Variants in SGMS1 observed in about 807,000 individuals in gnomAD.
SGMS1 encodes phosphatidylcholine:ceramide cholinephosphotransferase 1.
Under a neutral mutation model 46.2 loss-of-function variants are expected in SGMS1, and 13 were observed. The ratio of observed to expected loss-of-function variants is 0.28; its 90% confidence interval spans 0.18 to 0.45. The LOEUF is 0.45. SGMS1 is among the 20% of genes least tolerant of loss of function. The probability of loss-of-function intolerance (pLI) is 1.00; values close to 1 mark genes in which losing one functional copy is unlikely to be tolerated. For missense variants in SGMS1, 324 were observed against 519.9 expected (o/e 0.62, Z 3.66); for synonymous variants, 203 against 187.8 (o/e 1.08, Z -0.66).
At chr10:50,424,028 G>A (rs1441778048) in intron 6 of SGMS1, among the ~76,000 whole-genome samples, 2 of 152,202 alleles carry the variant, frequency 1.3e-5, no homozygotes, top group Admixed American at 1.3e-4. Context: ...AAGAAACAGG[G>A]AGTCAAGAAT....
intron 8 of SGMS1, among the ~76,000 whole-genome samples, chr10:50,322,834 G>A (rs1589384710): frequency 2.1e-5 from 2 of 97,344 alleles, no homozygotes; most frequent in African/African-American, 4.8e-5. Flanking sequence ...GCGAGACTCC[G>A]TCTCAAAAAA....
At chr10:50,509,680 G>C (rs570974536) in intron 3 of SGMS1, among the ~76,000 whole-genome samples, 1 of 152,286 alleles carries the variant, frequency 6.6e-6, no homozygotes, top group South Asian at 2.1e-4. Flanking sequence ...AAGATCATTA[G>C]AGCATCCACC....
intron 6 of SGMS1, among the ~76,000 whole-genome samples, chr10:50,355,543 G>A (rs756597430): frequency 6.6e-6 from 1 of 152,206 alleles, no homozygotes; most frequent in Non-Finnish European, 1.5e-5. Flanking sequence ...CCAAGGTGCC[G>A]GGATTGCAGA....
intron 6 of SGMS1, among the ~76,000 whole-genome samples, chr10:50,360,988 T>G (rs962663158): frequency 6.6e-6 from 1 of 152,192 alleles, no homozygotes; most frequent in African/African-American, 2.4e-5. Flanking sequence ...TGCCATATTC[T>G]AAAGCATACC....
chr10:50,523,282 G>T (rs974827308), intron 2 of SGMS1, among the ~76,000 whole-genome samples: 1 of 152,142 alleles, frequency 6.6e-6, no homozygotes, highest in African/African-American at 2.4e-5. Flanking sequence ...TACTGGGAAG[G>T]GTTAAGACTC....
intron 2 of SGMS1, among the ~76,000 whole-genome samples, chr10:50,534,160 A>G (rs1328176388): frequency 6.6e-6 from 1 of 152,240 alleles, no homozygotes; most frequent in Non-Finnish European, 1.5e-5. Context: ...AAAGGTCTAC[A>G]AAGATACATT....
intron 2 of SGMS1, among the ~76,000 whole-genome samples, chr10:50,533,035 G>A (rs1432676502): frequency 2.6e-5 from 4 of 152,086 alleles, no homozygotes; most frequent in Admixed American, 1.3e-4. Context: ...GACAGGTACC[G>A]CATAAATCCA....
chr10:50,529,585 C>T (rs1219293386), intron 2 of SGMS1, among the ~76,000 whole-genome samples: 1 of 152,180 alleles, frequency 6.6e-6, no homozygotes, highest in Non-Finnish European at 1.5e-5. Context: ...TGAATGAGTA[C>T]ATCTTACACT....
intron 5 of SGMS1, among the ~76,000 whole-genome samples, chr10:50,453,799 AGGAAG>A: frequency 3.5e-5 from 1 of 28,292 alleles, no homozygotes; most frequent in Non-Finnish European, 6.6e-5. Flanking sequence ...GGGAGGGGAG[AGGAAG>A]GAGGGAGGGA....
rs978569888 is a variant in SGMS1 at position 50,389,418 on chromosome 10, G to T, written c.-232+44058C>A. On this transcript the variant is annotated intron_variant, in intron 6 of 10. Coordinates refer to ENST00000361781, the MANE Select transcript of SGMS1 (RefSeq NM_147156.4). The stretch of plus-strand genomic sequence containing the variant: ...TTCTTGGCTTACCACCTTGTATCTG[G>T]GGGGAGGTCAAGTACCCAATGTGAA... Among the ~76,000 whole-genome samples, 43 of 152,082 alleles carry T rather than the reference G, an allele frequency of 2.8e-4. 1 individual carries two copies. The highest frequency in any genetic ancestry group is 1.5e-5 in the Non-Finnish European group (1 of 68,018).
At chr10:50,384,075 T>C (rs570398205) in intron 6 of SGMS1, among the ~76,000 whole-genome samples, 1 of 152,284 alleles carries the variant, frequency 6.6e-6, no homozygotes, top group East Asian at 1.9e-4. Context: ...GGGAATCAGC[T>C]AGCACCTGGA....
At chr10:50,456,464 T>G (rs980726313) in intron 5 of SGMS1, among the ~76,000 whole-genome samples, 1 of 152,168 alleles carries the variant, frequency 6.6e-6, no homozygotes, top group Admixed American at 6.5e-5. Context: ...GAAGTAATAA[T>G]AAGTCATAGT....
intron 3 of SGMS1, among the ~76,000 whole-genome samples, chr10:50,497,162 C>T (rs908554202): frequency 2.0e-5 from 3 of 152,212 alleles, no homozygotes; most frequent in Non-Finnish European, 4.4e-5. Flanking sequence ...TCTGCCTCCA[C>T]CCACACCTCT....
intron 8 of SGMS1, among the ~76,000 whole-genome samples, chr10:50,312,888 CA>C (rs1174191331): frequency 6.6e-6 from 1 of 152,114 alleles, no homozygotes; most frequent in Non-Finnish European, 1.5e-5. Flanking sequence ...GGCTGGAAAG[CA>C]AACAGCCAGA....
At chr10:50,420,085 A>G (rs1849235432) in intron 6 of SGMS1, among the ~76,000 whole-genome samples, 1 of 152,204 alleles carries the variant, frequency 6.6e-6, no homozygotes, top group South Asian at 2.1e-4. Flanking sequence ...TATGGTCAAA[A>G]GAGCAGAAGC....
intron 8 of SGMS1, among the ~76,000 whole-genome samples, chr10:50,318,101 C>T (rs192407202): frequency 1.4e-4 from 22 of 152,278 alleles, no homozygotes; most frequent in Admixed American, 9.1e-4. Flanking sequence ...CCAACTTGCC[C>T]GGCCTATAAA....
At chr10:50,476,204 G>A (rs1465977016) in intron 3 of SGMS1, among the ~76,000 whole-genome samples, 1 of 150,386 alleles carries the variant, frequency 6.6e-6, no homozygotes, top group East Asian at 2.0e-4. Flanking sequence ...AACTCAGGAG[G>A]CATAGGTCGC....
At chr10:50,610,987 G>C (rs1463989102) in intron 1 of SGMS1, among the ~76,000 whole-genome samples, 1 of 152,134 alleles carries the variant, frequency 6.6e-6, no homozygotes, top group Non-Finnish European at 1.5e-5. Context: ...TTGGGTCTGG[G>C]GGTGTGTAGA....
At chr10:50,457,474 G>A (rs558487754) in intron 5 of SGMS1, among the ~76,000 whole-genome samples, 1 of 151,704 alleles carries the variant, frequency 6.6e-6, no homozygotes, top group Non-Finnish European at 1.5e-5. Flanking sequence ...TTTGTTACAC[G>A]GGTAGGTTGT....
Sources: allele counts gnomAD v4.1 joint callset (sites outside exome capture counted in the v4.1 genomes callset), GRCh38; gene constraint gnomAD v4.1.1; transcripts MANE v1.5; gene names NCBI Gene and HGNC (gene_info 2026-07-23, HGNC 2026-07-21).